The following RGL1 variants were observed in gnomAD, a reference collection of about 807,000 sequenced individuals.
RGL1 encodes ral guanine nucleotide dissociation stimulator like 1.
RGL1 carries 24 observed loss-of-function variants against 95.2 expected under a neutral mutation model. The observed-to-expected ratio is 0.25, with a 90% CI of 0.18 to 0.35. The LOEUF (loss-of-function observed/expected upper bound fraction) is 0.35. RGL1 is among the 10% of genes least tolerant of loss of function. RGL1 has a pLI of 1.00. For missense variants in RGL1, 715 were observed against 936.3 expected (o/e 0.76, Z 3.08); for synonymous variants, 329 against 344.9 (o/e 0.95, Z 0.51).
chr1:183,837,176 A>G (rs1007660814), intron 2 of RGL1, among the ~76,000 whole-genome samples: 3 of 152,150 alleles, frequency 2.0e-5, no homozygotes, highest in Non-Finnish European at 2.9e-5. Flanking sequence ...TCACAAGGAG[A>G]TAAAGCCCCA....
At chr1:183,662,058 T>C (rs1446116049) in intron 1 of RGL1, among the ~76,000 whole-genome samples, 1 of 149,832 alleles carries the variant, frequency 6.7e-6, no homozygotes, top group East Asian at 2.0e-4. Flanking sequence ...ATGGGACATA[T>C]TTCAAGATAA....
chr1:183,792,868 A>T (rs1252511410), intron 2 of RGL1, among the ~76,000 whole-genome samples: 1 of 152,184 alleles, frequency 6.6e-6, no homozygotes, highest in Non-Finnish European at 1.5e-5. Flanking sequence ...TAAAATAATA[A>T]TACTACCCAA....
At chr1:183,770,138 C>T (rs1248130003) in intron 2 of RGL1, among the ~76,000 whole-genome samples, 2 of 152,210 alleles carry the variant, frequency 1.3e-5, no homozygotes, top group Non-Finnish European at 2.9e-5. Flanking sequence ...GCTTTTCTCT[C>T]TCAATTGGTT....
chr1:183,823,267 C>G (rs1662620358), intron 2 of RGL1, among the ~76,000 whole-genome samples: 1 of 152,046 alleles, frequency 6.6e-6, no homozygotes, highest in Admixed American at 6.5e-5. Context: ...CAGAAATATT[C>G]TTTTGTCTTT....
intron 2 of RGL1, among the ~76,000 whole-genome samples, chr1:183,781,168 A>G (rs1659883573): frequency 6.6e-6 from 1 of 152,198 alleles, no homozygotes; most frequent in Non-Finnish European, 1.5e-5. Context: ...TAAAATAAGT[A>G]GAAAAAAATC....
chr1:183,663,499 A>C (rs1299838996), intron 1 of RGL1, among the ~76,000 whole-genome samples: 3 of 152,112 alleles, frequency 2.0e-5, no homozygotes, highest in African/African-American at 7.3e-5. Flanking sequence ...AATGCAAATC[A>C]AAATCACAAT....
At chr1:183,852,313 C>A (rs1308509849) in intron 3 of RGL1, among the ~76,000 whole-genome samples, 1 of 152,098 alleles carries the variant, frequency 6.6e-6, no homozygotes, top group Non-Finnish European at 1.5e-5. Context: ...GGTTTGAATT[C>A]ACGTATAGCT....
At chr1:183,651,728 G>A (rs1260445907) in intron 1 of RGL1, among the ~76,000 whole-genome samples, 2 of 152,320 alleles carry the variant, frequency 1.3e-5, no homozygotes, top group Non-Finnish European at 2.9e-5. Flanking sequence ...TTTTCCTGAT[G>A]TAACTGAATT....
At chr1:183,698,356 C>T (rs1202063526) in intron 1 of RGL1, among the ~76,000 whole-genome samples, 1 of 152,166 alleles carries the variant, frequency 6.6e-6, no homozygotes, top group Non-Finnish European at 1.5e-5. Context: ...GGACTCAATT[C>T]CTTGGTCACC....
At chr1:183,732,001 T>C (rs1656655084) in intron 1 of RGL1, among the ~76,000 whole-genome samples, 1 of 152,178 alleles carries the variant, frequency 6.6e-6, no homozygotes, top group African/African-American at 2.4e-5. Context: ...ATAATTAGGC[T>C]ATAGCTACGT....
chr1:183,688,073 T>G (rs2102101757), intron 1 of RGL1, among the ~76,000 whole-genome samples: 1 of 152,264 alleles, frequency 6.6e-6, no homozygotes, highest in Middle Eastern at 3.4e-3. Flanking sequence ...TGTTGGTGGT[T>G]TAGGATGATC....
At chr1:183,850,005 C>T (rs1664735072) in intron 3 of RGL1, among the ~76,000 whole-genome samples, 1 of 152,166 alleles carries the variant, frequency 6.6e-6, no homozygotes, top group African/African-American at 2.4e-5. Context: ...TCATTTTCCC[C>T]ACACTCTTGC....
intron 1 of RGL1, among the ~76,000 whole-genome samples, chr1:183,688,125 G>A (rs888175388): frequency 1.3e-5 from 2 of 152,060 alleles, no homozygotes; most frequent in African/African-American, 4.8e-5. Context: ...CAATTATAAA[G>A]CACAATACAA....
At chr1:183,721,582 T>A (rs1656015544) in intron 1 of RGL1, among the ~76,000 whole-genome samples, 1 of 152,238 alleles carries the variant, frequency 6.6e-6, no homozygotes, top group African/African-American at 2.4e-5. Context: ...ACCAATCTTG[T>A]CTTCTTTGCT....
chr1:183,705,542 G>A (rs1572302460), intron 1 of RGL1, among the ~76,000 whole-genome samples: 1 of 152,170 alleles, frequency 6.6e-6, no homozygotes, highest in Non-Finnish European at 1.5e-5. Context: ...GAAACCTTGA[G>A]TTAGTATGCA....
chr1:183,805,266 G>C lies in RGL1; in HGVS notation c.-32G>C. On this transcript the variant is annotated 5_prime_UTR_variant, in exon 1 of 18. The change abolishes an upstream ATG in the 5' untranslated region. Coordinates refer to ENST00000360851, the MANE Select transcript of RGL1 (RefSeq NM_001297671.3). The stretch of plus-strand genomic sequence containing the variant: ...TTGGCCTCCGAGCAGGGCGCATCAT[G>C]CAGCGTTCGCGCACCGGAGAGAAAA... 1 of 1,610,050 alleles carries C rather than the reference G, an allele frequency of 6.2e-7. No homozygotes were observed. Among genetic ancestry groups the C allele is most frequent in the South Asian group, 1.1e-5 (1 of 90,170 alleles).
chr1:183,926,255 G>T lies in RGL1; in HGVS notation c.2270G>T (p.Gly757Val), dbSNP rs766047553. ...SLTLPRTAKR[G>V]CWSNRHSKIT... ...ACGTTGCCCAGGACAGCTAAACGGG[G>T]CTGCTGGAGTAACAGACACAGCAAA... The change falls in exon 18 of 18, where the codon GGC becomes GTC. Residue 757 changes from glycine to valine, a missense_variant. Physicochemically the swap from Gly to Val is moderately radical, Grantham distance 109. Around this residue, in one of 3 missense-constraint regions of RGL1, gnomAD observed 330 missense variants for 429.6 expected, o/e 0.77. Coordinates refer to ENST00000360851, the MANE Select transcript of RGL1 (RefSeq NM_001297671.3). 1.2e-6 allele frequency: 2 copies of T among 1,613,060 alleles called. No individual in the cohort carries two copies. Among genetic ancestry groups the T allele is most frequent in the Non-Finnish European group, 1.7e-6 (2 of 1,179,570 alleles).
At chr1:183,832,720 A>G (rs1307318751) in intron 2 of RGL1, among the ~76,000 whole-genome samples, 1 of 152,182 alleles carries the variant, frequency 6.6e-6, no homozygotes, top group Non-Finnish European at 1.5e-5. Context: ...GGAATGAGTC[A>G]CTTAGCCTCT....
At chr1:183,779,000 TCA>T (rs897822417) in intron 2 of RGL1, among the ~76,000 whole-genome samples, 6 of 152,152 alleles carry the variant, frequency 3.9e-5, no homozygotes, top group African/African-American at 1.2e-4. Flanking sequence ...GACTTTTCTC[TCA>T]GTCTTTCATG....
Sources: gnomAD v4.1 joint callset for allele counts (sites outside exome capture counted in the v4.1 genomes callset) on GRCh38, gnomAD v4.1.1 for gene constraint, gnomAD v4.1.1 regional missense constraint, MANE v1.5 for transcripts, NCBI Gene and HGNC (gene_info 2026-07-23, HGNC 2026-07-21) for gene names.